The following DCAF8L2 variants were observed in gnomAD, a reference collection of about 807,000 sequenced individuals.
DCAF8L2 encodes DDB1- and CUL4-associated factor 8-like protein 2.
For missense variants in DCAF8L2, 430 were observed against 490.7 expected (o/e 0.88, Z 1.17); for synonymous variants, 200 against 190.9 (o/e 1.05, Z -0.39).
intron 2 of DCAF8L2, among the ~76,000 whole-genome samples, chrX:27,670,536 T>C (rs1199698714): frequency 3.6e-5 from 4 of 111,497 alleles, no homozygotes; most frequent in Non-Finnish European, 5.6e-5. Context: ...GCTGATAGAA[T>C]TGGTTTAGCT....
chrX:27,499,974 T>C, the DCAF8L2 span, among the ~76,000 whole-genome samples: 2 of 112,326 alleles, frequency 1.8e-5, no homozygotes, highest in Middle Eastern at 4.7e-3. Flanking sequence ...AGTTTAGTGT[T>C]GTCCAATTTG....
chrX:27,588,499 G>A (rs1397310152), upstream of DCAF8L2, among the ~76,000 whole-genome samples: 1 of 111,422 alleles, frequency 9.0e-6, no homozygotes, highest in Non-Finnish European at 1.9e-5. Flanking sequence ...TATGTACCCA[G>A]TAATGAGATT....
intron 2 of DCAF8L2, among the ~76,000 whole-genome samples, chrX:27,675,178 T>C (rs1930099262): frequency 2.7e-5 from 3 of 111,189 alleles, no homozygotes; most frequent in African/African-American, 9.8e-5. Flanking sequence ...TCCAAAACAC[T>C]CTCTAAAATT....
chrX:27,525,534 G>A, the DCAF8L2 span, among the ~76,000 whole-genome samples: 100 of 111,296 alleles, frequency 9.0e-4, no homozygotes, highest in African/African-American at 3.1e-3. Context: ...TTACATTTAG[G>A]GTTAATATTG....
chrX:27,559,055 C>A, the DCAF8L2 span, among the ~76,000 whole-genome samples: 1 of 110,667 alleles, frequency 9.0e-6, no homozygotes, highest in Non-Finnish European at 1.9e-5. Context: ...CCATGTAGGA[C>A]GTGCCAGATT....
chrX:27,563,199 C>T, the DCAF8L2 span, among the ~76,000 whole-genome samples: 1 of 110,923 alleles, frequency 9.0e-6, no homozygotes, highest in Non-Finnish European at 1.9e-5. Context: ...AGAGGTTCAC[C>T]TGGCCTTGAA....
In DCAF8L2 at chrX:27,747,885, T is replaced by A. The variant is rs777958909; in HGVS notation, c.990T>A (p.Ser330=). The part of the protein sequence containing the change: ...PAHKLALEPD[S]PYKFLTSGED... ...ACAAGTTGGCTCTGGAGCCTGACTCTCCTTATAAGTTCCTCACTTCAGGTG... is the reference window on the plus strand; with the variant it reads ...ACAAGTTGGCTCTGGAGCCTGACTCACCTTATAAGTTCCTCACTTCAGGTG... The change falls in exon 5 of 5, where the codon TCT becomes TCA. Residue 330 remains serine, a synonymous_variant. Coordinates refer to ENST00000451261, the MANE Select transcript of DCAF8L2 (RefSeq NM_001353450.2). 8 of 1,209,215 alleles carry A rather than the reference T, an allele frequency of 6.6e-6. No individual in the cohort carries two copies. Among genetic ancestry groups the A allele is most frequent in the Non-Finnish European group, 8.9e-6 (8 of 894,583 alleles).
intron 2 of DCAF8L2, among the ~76,000 whole-genome samples, chrX:27,666,984 T>C (rs1929761906): frequency 9.0e-6 from 1 of 111,712 alleles, no homozygotes; most frequent in Non-Finnish European, 1.9e-5. Context: ...TGATTTAGTA[T>C]ATCTAGGTAG....
chrX:27,485,074 A>G, the DCAF8L2 span, among the ~76,000 whole-genome samples: 3 of 111,710 alleles, frequency 2.7e-5, no homozygotes, highest in African/African-American at 6.5e-5. Context: ...AGAACCTGCA[A>G]TGGAAATGAT....
intron 3 of DCAF8L2, among the ~76,000 whole-genome samples, chrX:27,697,017 G>A (rs1311879981): frequency 8.9e-6 from 1 of 111,798 alleles, no homozygotes; most frequent in Non-Finnish European, 1.9e-5. Flanking sequence ...ACTACTGCAT[G>A]TGCCATGAAG....
At chrX:27,746,046 T>C (rs2147346310) in intron 4 of DCAF8L2, among the ~76,000 whole-genome samples, 1 of 111,983 alleles carries the variant, frequency 8.9e-6, no homozygotes, top group East Asian at 2.8e-4. Flanking sequence ...GTGAAGCAAT[T>C]ACTCATTTCA....
At chrX:27,502,446 G>A in the DCAF8L2 span, among the ~76,000 whole-genome samples, 1,195 of 93,435 alleles carry the variant, frequency 0.013, 12 homozygotes, top group Middle Eastern at 0.017. Context: ...TTCAGGTAAA[G>A]CCTTTATAAT....
chrX:27,517,059 TAATACACC>T, the DCAF8L2 span, among the ~76,000 whole-genome samples: 1 of 111,734 alleles, frequency 8.9e-6, no homozygotes, highest in Non-Finnish European at 1.9e-5. Flanking sequence ...TTACAGGAGA[TAATACACC>T]AATCAATGTA....
chrX:27,610,288 T>C (rs1927095022), intron 1 of DCAF8L2, among the ~76,000 whole-genome samples: 1 of 110,945 alleles, frequency 9.0e-6, no homozygotes, highest in Admixed American at 9.7e-5. Flanking sequence ...GAAACTACAT[T>C]AATAAGTGCC....
chrX:27,707,710 G>A (rs1602758796), intron 3 of DCAF8L2, among the ~76,000 whole-genome samples: 1 of 111,170 alleles, frequency 9.0e-6, no homozygotes, highest in South Asian at 3.8e-4. Context: ...CTTGGAATCC[G>A]TGGTCTATGA....
chrX:27,514,691 AAAAAC>A, the DCAF8L2 span, among the ~76,000 whole-genome samples: 15 of 76,075 alleles, frequency 2.0e-4, 1 homozygote, highest in African/African-American at 8.1e-4. Context: ...AAAAAAAAAA[AAAAAC>A]AAAAAAAAAA....
the DCAF8L2 span, among the ~76,000 whole-genome samples, chrX:27,520,781 G>A: frequency 9.0e-6 from 1 of 111,724 alleles, no homozygotes; most frequent in Non-Finnish European, 1.9e-5. Context: ...CGTCTCTATT[G>A]TTATCTATCT....
the DCAF8L2 span, among the ~76,000 whole-genome samples, chrX:27,507,839 A>G: frequency 9.0e-6 from 1 of 111,723 alleles, no homozygotes; most frequent in Admixed American, 9.6e-5. Context: ...TAAAATGAAT[A>G]TAGTGTCTAT....
chrX:27,726,650 AC>A (rs1050183442), intron 4 of DCAF8L2, among the ~76,000 whole-genome samples: 4 of 111,400 alleles, frequency 3.6e-5, no homozygotes, highest in African/African-American at 1.3e-4. Context: ...GTTTTGGAAC[AC>A]TTTACAAATG....
Sources: allele counts gnomAD v4.1 joint callset (sites outside exome capture counted in the v4.1 genomes callset), GRCh38; gene constraint gnomAD v4.1.1; transcripts MANE v1.5; gene names NCBI Gene and HGNC (gene_info 2026-07-23, HGNC 2026-07-21).